Variants in STK39 observed in about 807,000 individuals in gnomAD.
STK39 encodes STE20/SPS1-related proline-alanine-rich protein kinase.
A neutral mutation model predicts 77.8 loss-of-function variants in STK39; 20 were observed. The observed-to-expected ratio is 0.26, with a 90% confidence interval of 0.18 to 0.37. The LOEUF (loss-of-function observed/expected upper bound fraction) is 0.37, where lower values mean the gene tolerates loss of function less well. Among genes scored for constraint, STK39 ranks in the 10% least tolerant of loss-of-function variants. The probability of loss-of-function intolerance (pLI) is 1.00; values close to 1 mark genes in which losing one functional copy is unlikely to be tolerated. For synonymous variants in STK39, 246 were observed against 234.1 expected (o/e 1.05, Z -0.47); for missense variants, 479 against 656.5 (o/e 0.73, Z 2.95).
intron 1 of STK39, among the ~76,000 whole-genome samples, chr2:168,229,641 A>C (rs540570219): frequency 1.3e-5 from 2 of 152,298 alleles, no homozygotes; most frequent in East Asian, 3.9e-4. Flanking sequence ...ATTAAGCAAA[A>C]ATCTACCTTT....
chr2:168,068,100 C>T (rs1024267265), intron 12 of STK39, among the ~76,000 whole-genome samples: 14 of 152,160 alleles, frequency 9.2e-5, no homozygotes, highest in Admixed American at 2.0e-4. Flanking sequence ...ATAGGAAAAC[C>T]TGCTGCTATG....
chr2:168,012,749 A>T, intron 15 of STK39, 47 bp from the exon 16 acceptor site: 4 of 1,517,254 alleles, frequency 2.6e-6, no homozygotes, highest in Non-Finnish European at 3.6e-6. Context: ...TAACATAAAA[A>T]TCAACAACCC....
chr2:168,061,324 C>A (rs1685659104), intron 14 of STK39, among the ~76,000 whole-genome samples: 1 of 150,900 alleles, frequency 6.6e-6, no homozygotes, highest in African/African-American at 2.4e-5. Flanking sequence ...TAAATATGGG[C>A]ACTACATACA....
intron 16 of STK39, among the ~76,000 whole-genome samples, chr2:167,985,305 T>C (rs1162142747): frequency 1.3e-5 from 2 of 152,214 alleles, no homozygotes; most frequent in Non-Finnish European, 2.9e-5. Flanking sequence ...GGAAAAAACC[T>C]TTCTTCAGGG....
intron 12 of STK39, among the ~76,000 whole-genome samples, chr2:168,073,551 T>C (rs1452493200): frequency 6.6e-6 from 1 of 152,122 alleles, no homozygotes; most frequent in Non-Finnish European, 1.5e-5. Context: ...TAGCACAACA[T>C]CTGTGTGGTC....
intron 10 of STK39, among the ~76,000 whole-genome samples, chr2:168,127,554 A>G (rs1289824944): frequency 6.6e-6 from 1 of 152,244 alleles, no homozygotes; most frequent in Non-Finnish European, 1.5e-5. Flanking sequence ...CACAGTGGGA[A>G]GCACAGATGG....
intron 1 of STK39, among the ~76,000 whole-genome samples, chr2:168,216,623 C>T (rs1005620757): frequency 6.6e-6 from 1 of 152,136 alleles, no homozygotes; most frequent in Non-Finnish European, 1.5e-5. Context: ...AGTGGCAAAT[C>T]GCCATCCTCA....
rs1689892214 is a variant in STK39 at position 168,211,573 on chromosome 2, C to T, written c.209-29483G>A. On this transcript the variant is annotated intron_variant, in intron 1 of 17. Transcript: ENST00000355999. ...TATTTGATGATAGGAAGTATTCCTG[C>T]CTTAAAGATGGGACTTTATATCTGC... Among the ~76,000 whole-genome samples the T allele has an allele frequency of 2.0e-5, 3 of 152,148 alleles. No homozygotes were observed. In the South Asian group the frequency reaches 6.2e-4, roughly 32 times the overall value.
chr2:168,131,802 T>C (rs1463488724), intron 8 of STK39, among the ~76,000 whole-genome samples: 2 of 152,188 alleles, frequency 1.3e-5, no homozygotes, highest in African/African-American at 4.8e-5. Flanking sequence ...ATGATTCAAC[T>C]TTAGTTGTTA....
intron 16 of STK39, among the ~76,000 whole-genome samples, chr2:168,007,410 T>C (rs922695637): frequency 6.6e-6 from 1 of 152,204 alleles, no homozygotes; most frequent in Non-Finnish European, 1.5e-5. Flanking sequence ...GCCTACTATG[T>C]GAAATGCAGT....
chr2:168,068,940 G>A (rs1355517629), intron 12 of STK39, among the ~76,000 whole-genome samples: 1 of 151,920 alleles, frequency 6.6e-6, no homozygotes, highest in Non-Finnish European at 1.5e-5. Context: ...TTTCTGAGAT[G>A]GAGTTTCACT....
At chr2:168,147,691 C>T (rs1298437958) in intron 5 of STK39, among the ~76,000 whole-genome samples, 3 of 152,068 alleles carry the variant, frequency 2.0e-5, no homozygotes, top group African/African-American at 4.8e-5. Context: ...TGAGAGCTAA[C>T]ATGGGGGAAT....
chr2:168,225,475 T>A (rs1690280481), intron 1 of STK39, among the ~76,000 whole-genome samples: 1 of 152,180 alleles, frequency 6.6e-6, no homozygotes, highest in East Asian at 1.9e-4. Context: ...TACTTCATAG[T>A]ACTTTAAATC....
chr2:168,204,744 A>G (rs1443572161), intron 1 of STK39, among the ~76,000 whole-genome samples: 1 of 152,228 alleles, frequency 6.6e-6, no homozygotes, highest in Non-Finnish European at 1.5e-5. Flanking sequence ...GCAGGTAAAA[A>G]GGAGATGATC....
At chr2:168,112,579 G>T (rs1421950853) in intron 10 of STK39, among the ~76,000 whole-genome samples, 1 of 152,098 alleles carries the variant, frequency 6.6e-6, no homozygotes, top group Non-Finnish European at 1.5e-5. Context: ...GGAACTGTGA[G>T]TCAGTTAAAC....
chr2:168,187,168 T>C (rs1384036835), intron 1 of STK39, among the ~76,000 whole-genome samples: 3 of 152,132 alleles, frequency 2.0e-5, no homozygotes, highest in Admixed American at 1.3e-4. Flanking sequence ...CTGACCAGCA[T>C]GGTGAAACCC....
chr2:168,085,219 C>A (rs1282232968), intron 10 of STK39, among the ~76,000 whole-genome samples: 1 of 152,204 alleles, frequency 6.6e-6, no homozygotes, highest in Non-Finnish European at 1.5e-5. Flanking sequence ...TAGCTGCAAA[C>A]ACTGACTCTT....
At position 168,242,576 on chromosome 2, in the gene STK39, TATATATATATATATATATATAA is replaced by T. The variant is rs1384187948; in HGVS notation, c.208+4630_208+4651del. On this transcript the variant is annotated intron_variant, in intron 1 of 17. Transcript: ENST00000355999. ...AAAAAAAAAAATATATATATATATA[TATATATATATATATATATATAA>T]AGAGGCCAGGCACAGTGGCTCACGC... Among the ~76,000 whole-genome samples the T allele has an allele frequency of 2.1e-3, 160 of 76,616 alleles. 2 individuals are homozygous for T. Among genetic ancestry groups the T allele is most frequent in the African/African-American group, 7.4e-3 (150 of 20,234 alleles). 50.3% of individuals were successfully genotyped at this position (76,616 alleles called of 152,430 possible).
At chr2:168,071,259 T>TTAA (rs1685932654) in intron 12 of STK39, among the ~76,000 whole-genome samples, 1 of 152,174 alleles carries the variant, frequency 6.6e-6, no homozygotes, top group South Asian at 2.1e-4. Context: ...ATGCACTTGT[T>TTAA]TAATATTCGA....
Sources: gnomAD v4.1 joint callset for allele counts (sites outside exome capture counted in the v4.1 genomes callset) on GRCh38, gnomAD v4.1.1 for gene constraint, MANE v1.5 for transcripts, NCBI Gene and HGNC (gene_info 2026-07-23, HGNC 2026-07-21) for gene names.